The following DNAAF11 variants were observed in gnomAD, a reference collection of about 807,000 sequenced individuals.
DNAAF11 encodes dynein axonemal assembly factor 11.
Under a neutral mutation model 60.8 loss-of-function variants are expected in DNAAF11, and 45 were observed. The ratio of observed to expected loss-of-function variants is 0.74; its 90% CI spans 0.58 to 0.95. The LOEUF is 0.95. DNAAF11 is among the 40% of genes least tolerant of loss of function. DNAAF11 has a pLI of 0.00. For synonymous variants in DNAAF11, 191 were observed against 183.5 expected (o/e 1.04, Z -0.33); for missense variants, 546 against 546.2 (o/e 1.00, Z 0.00).
rs191961175 is a variant in DNAAF11 at position 132,648,014 on chromosome 8, C to A, written c.256+8816G>T. Among the ~76,000 whole-genome samples, 693 of 152,256 alleles carry A rather than the reference C, an allele frequency of 4.6e-3. 7 individuals carry two copies. Among genetic ancestry groups the A allele is most frequent in the African/African-American group, 0.016 (666 of 41,546 alleles). On this transcript the variant is annotated intron_variant, in intron 3 of 11. Coordinates refer to ENST00000620350, the MANE Select transcript of DNAAF11 (RefSeq NM_012472.6). ...ATCCTCCCTAACTCATTTTATGAGG[C>A]CAGAATCATCCTAATACCAAAGCCT... is the stretch of plus-strand genomic sequence containing the variant.
In DNAAF11 at chr8:132,615,117, T is replaced by TG; in HGVS notation, c.915-21dup. On this transcript the variant is annotated intron_variant, in intron 7 of 11. Coordinates refer to ENST00000620350, the MANE Select transcript of DNAAF11 (RefSeq NM_012472.6). ...TCAATTCTAAGAATAACACATTTGG[T>TG]GGGAAAAAAGAGATGTCTTTAGGAT... 1.3e-6 allele frequency: 2 copies of TG among 1,551,414 alleles called. No homozygotes were observed. Among genetic ancestry groups the TG allele is most frequent in the Non-Finnish European group, 1.8e-6 (2 of 1,125,490 alleles).
intron 10 of DNAAF11, among the ~76,000 whole-genome samples, chr8:132,601,147 A>T (rs1420505481): frequency 6.6e-6 from 1 of 152,252 alleles, no homozygotes; most frequent in Non-Finnish European, 1.5e-5. Flanking sequence ...AGAAGACATT[A>T]TGCAGCCAAC....
At chr8:132,621,681 G>C (rs1819779346) in intron 7 of DNAAF11, among the ~76,000 whole-genome samples, 3 of 152,146 alleles carry the variant, frequency 2.0e-5, no homozygotes. Flanking sequence ...GCCTAGCCTA[G>C]TGTTCTGTCT....
intron 1 of DNAAF11, among the ~76,000 whole-genome samples, chr8:132,674,870 A>G (rs1368538757): frequency 6.6e-6 from 1 of 152,252 alleles, no homozygotes; most frequent in African/African-American, 2.4e-5. Context: ...CCTGGGCGAC[A>G]GAGCAAAACT....
rs1396529942 is a variant in DNAAF11 at position 132,632,754 on chromosome 8, G to A, written c.639C>T (p.Asp213=). The A allele has an allele frequency of 1.9e-6, 3 of 1,610,280 alleles. No homozygotes were observed. The highest frequency in any genetic ancestry group is 2.7e-5 in the African/African-American group (2 of 74,960). ...NAGFDGRWYT[D]INATLSSLES... is the part of the protein sequence containing the mutation. ...AATTTACATACAGAGTAGCATTGATGTCTGTGTACCAACGTCCATCAAAGC... is the reference window on the plus strand; with the variant it reads ...AATTTACATACAGAGTAGCATTGATATCTGTGTACCAACGTCCATCAAAGC... Residue 213 remains aspartate (D), a synonymous_variant, in exon 5 of 12, where the codon GAC becomes GAT. Coordinates refer to ENST00000620350, the MANE Select transcript of DNAAF11 (RefSeq NM_012472.6).
chr8:132,604,776 A>G (rs968578937), intron 10 of DNAAF11, among the ~76,000 whole-genome samples: 31 of 152,138 alleles, frequency 2.0e-4, no homozygotes, highest in African/African-American at 7.5e-4. Flanking sequence ...CCAAAATAGA[A>G]ACTAAAATCA....
At chr8:132,699,262 T>C in the DNAAF11 span, among the ~76,000 whole-genome samples, 1 of 151,986 alleles carries the variant, frequency 6.6e-6, no homozygotes, top group Admixed American at 6.6e-5. Flanking sequence ...ATTTGCATGA[T>C]GAGAGGAAGT....
At chr8:132,608,359 C>T in intron 10 of DNAAF11, 3 of 302,108 alleles carry the variant, frequency 9.9e-6, no homozygotes, top group Non-Finnish European at 2.0e-5. Flanking sequence ...ATTCCTAGTC[C>T]ATATATATAT....
chr8:132,610,308 A>G (rs373943271), intron 9 of DNAAF11, 47 bp from the exon 10 acceptor site: 8 of 1,266,522 alleles, frequency 6.3e-6, no homozygotes, highest in Middle Eastern at 1.8e-4. Flanking sequence ...AGGACGTTAC[A>G]TGAGAGGGTT....
chr8:132,619,096 C>T (rs2130184563), intron 7 of DNAAF11, among the ~76,000 whole-genome samples: 2 of 152,268 alleles, frequency 1.3e-5, no homozygotes, highest in East Asian at 3.9e-4. Context: ...GGCACATATA[C>T]ACCATGGAAT....
At chr8:132,597,732 T>C (rs541487426) in intron 10 of DNAAF11, among the ~76,000 whole-genome samples, 1 of 152,314 alleles carries the variant, frequency 6.6e-6, no homozygotes, top group South Asian at 2.1e-4. Flanking sequence ...TTGTCCCCAG[T>C]TGACAACAAG....
intron 11 of DNAAF11, among the ~76,000 whole-genome samples, chr8:132,580,678 GA>G (rs1471477128): frequency 6.6e-6 from 1 of 152,146 alleles, no homozygotes; most frequent in Non-Finnish European, 1.5e-5. Flanking sequence ...TATGCTTATG[GA>G]AAAGTTACAA....
At chr8:132,610,081 G>C (rs1403087792) in intron 10 of DNAAF11, 85 bp downstream of exon 10, 3 of 898,306 alleles carry the variant, frequency 3.3e-6, no homozygotes, top group Non-Finnish European at 5.5e-6. Context: ...ACTTTAATCA[G>C]AAGTCATCAT....
chr8:132,645,208 AC>A (rs1822255436), intron 3 of DNAAF11, among the ~76,000 whole-genome samples: 1 of 152,172 alleles, frequency 6.6e-6, no homozygotes, highest in South Asian at 2.1e-4. Context: ...TGCTGGTGAT[AC>A]CCAGGCAAAC....
At chr8:132,599,944 A>T (rs1037670789) in intron 10 of DNAAF11, among the ~76,000 whole-genome samples, 2 of 152,202 alleles carry the variant, frequency 1.3e-5, no homozygotes, top group Non-Finnish European at 2.9e-5. Flanking sequence ...AGGAGAAAGA[A>T]ATAAAGGGTA....
chr8:132,589,032 T>A (rs1437422332), intron 10 of DNAAF11, among the ~76,000 whole-genome samples: 1 of 152,174 alleles, frequency 6.6e-6, no homozygotes, highest in Non-Finnish European at 1.5e-5. Flanking sequence ...GCATTGGGCA[T>A]TACATTTCAA....
intron 7 of DNAAF11, among the ~76,000 whole-genome samples, chr8:132,620,206 A>C (rs1819614261): frequency 6.6e-6 from 1 of 152,158 alleles, no homozygotes; most frequent in Non-Finnish European, 1.5e-5. Flanking sequence ...CTCCAGCCAC[A>C]CAGGAGGACC....
At chr8:132,663,822 T>C (rs1199798760) in intron 1 of DNAAF11, among the ~76,000 whole-genome samples, 1 of 152,220 alleles carries the variant, frequency 6.6e-6, no homozygotes, top group Non-Finnish European at 1.5e-5. Context: ...AGACAGACCA[T>C]GACATCAGGT....
chr8:132,686,095 A>T, the DNAAF11 span, among the ~76,000 whole-genome samples: 23 of 152,348 alleles, frequency 1.5e-4, no homozygotes, highest in South Asian at 4.8e-3. Flanking sequence ...AGAAAAGTGG[A>T]GTGATGATAG....
Sources: gnomAD v4.1 joint callset for allele counts (sites outside exome capture counted in the v4.1 genomes callset) on GRCh38, gnomAD v4.1.1 for gene constraint, MANE v1.5 for transcripts, NCBI Gene and HGNC (gene_info 2026-07-23, HGNC 2026-07-21) for gene names.